Variants in ATG10 observed in about 807,000 individuals in gnomAD.
The protein encoded by ATG10 is autophagy related 10, also known as ubiquitin-like-conjugating enzyme ATG10.
In ATG10, 30 loss-of-function variants were observed where a neutral mutation model predicts 32.1. The observed-to-expected ratio is 0.94, with a 90% CI of 0.70 to 1.27. ATG10 has a LOEUF of 1.27. ATG10 is among the 50% of genes most tolerant of loss of function. The probability of loss-of-function intolerance (pLI) is 0.00; values close to 1 mark genes in which losing one functional copy is unlikely to be tolerated. For synonymous variants in ATG10, 87 were observed against 91.5 expected, an observed-to-expected ratio of 0.95 and a Z score of 0.28; for missense variants, 233 against 262.3, an observed-to-expected ratio of 0.89 and a Z score of 0.77.
chr5:82,007,959 C>T (rs1384445235), intron 2 of ATG10, among the ~76,000 whole-genome samples: 1 of 151,962 alleles, frequency 6.6e-6, no homozygotes, highest in East Asian at 1.9e-4. Context: ...AATTTAGTTA[C>T]AATTTTAAGG....
At chr5:82,097,358 A>C (rs1765104837) in intron 3 of ATG10, among the ~76,000 whole-genome samples, 1 of 152,236 alleles carries the variant, frequency 6.6e-6, no homozygotes, top group South Asian at 2.1e-4. Context: ...CAAAGTATTT[A>C]ATAAATTCTT....
chr5:82,020,401 A>G (rs1762403293), intron 2 of ATG10, among the ~76,000 whole-genome samples: 1 of 152,254 alleles, frequency 6.6e-6, no homozygotes, highest in Non-Finnish European at 1.5e-5. Context: ...AATTGGAAGC[A>G]TCTAAAAAGT....
chr5:82,086,186 A>G (rs1764684149), intron 3 of ATG10, among the ~76,000 whole-genome samples: 2 of 152,290 alleles, frequency 1.3e-5, no homozygotes, highest in Admixed American at 6.5e-5. Context: ...GTATAGAGAA[A>G]AAATAATCAA....
chr5:82,090,400 A>G (rs1351948271), intron 3 of ATG10, among the ~76,000 whole-genome samples: 1 of 152,232 alleles, frequency 6.6e-6, no homozygotes, highest in African/African-American at 2.4e-5. Context: ...AAACTGTGGC[A>G]CATCTATTCC....
chr5:82,097,963 G>A lies in ATG10; in HGVS notation c.216+39361G>A, dbSNP rs950949096. Reference sequence around the variant, plus strand: ...AACATGACATTTTAAAAAAAGGATAGACTGTAACTCCTAAGGAAATCTTGT... The same window carrying A: ...AACATGACATTTTAAAAAAAGGATAAACTGTAACTCCTAAGGAAATCTTGT... On this transcript the variant is annotated intron_variant, in intron 3 of 7. Coordinates refer to ENST00000282185, the MANE Select transcript of ATG10 (RefSeq NM_031482.5). Among the ~76,000 whole-genome samples the A allele has an allele frequency of 2.0e-5, 3 of 152,274 alleles. No homozygotes were observed. The East Asian group carries it at 5.8e-4, about 29-fold the overall frequency.
At chr5:82,229,660 G>A (rs968805757) in intron 5 of ATG10, among the ~76,000 whole-genome samples, 3 of 152,186 alleles carry the variant, frequency 2.0e-5, no homozygotes, top group African/African-American at 4.8e-5. Context: ...CAGAATCTGA[G>A]TAAGTTGTGA....
chr5:82,108,441 ATATCATATATG>A (rs1765506571), intron 3 of ATG10, among the ~76,000 whole-genome samples: 1 of 151,948 alleles, frequency 6.6e-6, no homozygotes, highest in African/African-American at 2.4e-5. Context: ...ATTTATGTAC[ATATCATATATG>A]TATATATGTG....
At chr5:81,985,483 C>G (rs1339043795) in intron 1 of ATG10, among the ~76,000 whole-genome samples, 2 of 152,138 alleles carry the variant, frequency 1.3e-5, no homozygotes, top group African/African-American at 4.8e-5. Context: ...CTGCTAGACC[C>G]CTTTACTTGG....
At chr5:82,071,043 T>G (rs1764114975) in intron 3 of ATG10, among the ~76,000 whole-genome samples, 1 of 152,152 alleles carries the variant, frequency 6.6e-6, no homozygotes, top group Non-Finnish European at 1.5e-5. Flanking sequence ...GGAATATATT[T>G]TTTATTCCCC....
chr5:82,226,849 ACTATC>A (rs1370463155), intron 5 of ATG10, among the ~76,000 whole-genome samples: 1 of 152,228 alleles, frequency 6.6e-6, no homozygotes, highest in Non-Finnish European at 1.5e-5. Flanking sequence ...TATGCTTATT[ACTATC>A]CTATTACACT....
chr5:82,211,354 T>G (rs1391329923), intron 5 of ATG10, among the ~76,000 whole-genome samples: 1 of 152,144 alleles, frequency 6.6e-6, no homozygotes, highest in East Asian at 1.9e-4. Flanking sequence ...TTCTGGATTA[T>G]TCTCTGCTCA....
intron 3 of ATG10, among the ~76,000 whole-genome samples, chr5:82,086,046 TA>T (rs928629809): frequency 6.6e-6 from 1 of 152,150 alleles, no homozygotes; most frequent in Admixed American, 6.6e-5. Context: ...GTCTTGTATT[TA>T]AAAAATTCTT....
At chr5:82,230,649 C>T (rs1451863257) in intron 5 of ATG10, among the ~76,000 whole-genome samples, 1 of 145,790 alleles carries the variant, frequency 6.9e-6, no homozygotes, top group Non-Finnish European at 1.5e-5. Context: ...AAGAGAATCG[C>T]TTGAACCGGG....
At chr5:82,230,120 T>C (rs1581829805) in intron 5 of ATG10, among the ~76,000 whole-genome samples, 1 of 152,208 alleles carries the variant, frequency 6.6e-6, no homozygotes, top group South Asian at 2.1e-4. Context: ...GGTTGCAGCC[T>C]ACAGCCAAGT....
At chr5:82,181,013 A>G (rs1244235633) in intron 5 of ATG10, among the ~76,000 whole-genome samples, 1 of 152,174 alleles carries the variant, frequency 6.6e-6, no homozygotes, top group African/African-American at 2.4e-5. Flanking sequence ...TTTTTAATAG[A>G]ATTGACGAAT....
chr5:82,008,844 A>G (rs1460569321), intron 2 of ATG10, among the ~76,000 whole-genome samples: 2 of 152,232 alleles, frequency 1.3e-5, no homozygotes, highest in Non-Finnish European at 2.9e-5. Context: ...TATACTAGAC[A>G]TATATATTTT....
At chr5:82,066,474 T>TA (rs777679684) in intron 3 of ATG10, among the ~76,000 whole-genome samples, 1 of 152,136 alleles carries the variant, frequency 6.6e-6, no homozygotes, top group Non-Finnish European at 1.5e-5. Context: ...GATAGAGTCA[T>TA]AAAAATGGCA....
At chr5:82,013,663 A>G (rs1330330554) in intron 2 of ATG10, among the ~76,000 whole-genome samples, 1 of 151,784 alleles carries the variant, frequency 6.6e-6, no homozygotes, top group Non-Finnish European at 1.5e-5. Context: ...CCACACCAAC[A>G]TCTATTTTTT....
At chr5:82,223,123 G>GCACC (rs1745993338) in intron 5 of ATG10, among the ~76,000 whole-genome samples, 1 of 152,146 alleles carries the variant, frequency 6.6e-6, no homozygotes, top group Admixed American at 6.5e-5. Context: ...GTCACTAATA[G>GCACC]CACCAAACAA....
Sources: gnomAD v4.1 joint callset for allele counts (sites outside exome capture counted in the v4.1 genomes callset) on GRCh38, gnomAD v4.1.1 for gene constraint, MANE v1.5 for transcripts, NCBI Gene and HGNC (gene_info 2026-07-23, HGNC 2026-07-21) for gene names.